The following BTBD9 variants were observed in gnomAD, a reference collection of about 807,000 sequenced individuals.
The protein encoded by BTBD9 is BTB domain containing 9, also known as BTB/POZ domain-containing protein 9.
BTBD9 carries 49 observed loss-of-function variants against 64.3 expected under a neutral mutation model. The ratio of observed to expected loss-of-function variants is 0.76; its 90% confidence interval spans 0.61 to 0.97. BTBD9 has a LOEUF of 0.97. BTBD9 is among the 50% of genes least tolerant of loss of function. The pLI, the probability that BTBD9 is intolerant of heterozygous loss-of-function variation, is 0.00. For missense variants in BTBD9, 598 were observed against 762.1 expected (o/e 0.78, Z 2.53); for synonymous variants, 260 against 274.7 (o/e 0.95, Z 0.53).
At chr6:38,300,302 G>A (rs1178218740) in intron 7 of BTBD9, among the ~76,000 whole-genome samples, 1 of 152,168 alleles carries the variant, frequency 6.6e-6, no homozygotes, top group Non-Finnish European at 1.5e-5. Context: ...GATGCCTCCA[G>A]CTTTGTTCTT....
intron 1 of BTBD9, among the ~76,000 whole-genome samples, chr6:38,605,192 G>A (rs748821734): frequency 1.5e-4 from 23 of 151,824 alleles, no homozygotes; most frequent in Non-Finnish European, 2.8e-4. Flanking sequence ...GATTACAGGC[G>A]CACACCACTA....
intron 6 of BTBD9, among the ~76,000 whole-genome samples, chr6:38,366,499 G>C (rs951026462): frequency 6.6e-6 from 1 of 152,194 alleles, no homozygotes; most frequent in East Asian, 1.9e-4. Context: ...GTCATACAAA[G>C]CATGTATATA....
At chr6:38,266,614 GAAAGAAAGAAAGAAAGAAA>G (rs1270164794) in intron 8 of BTBD9, among the ~76,000 whole-genome samples, 237 of 9,842 alleles carry the variant, frequency 0.024, 5 homozygotes, top group East Asian at 0.036. Flanking sequence ...AGGAAAGAAA[GAAAGAAAGAAAGAAAGAAA>G]GAAAGAAAGA....
At chr6:38,212,424 G>A (rs1014729522) in intron 9 of BTBD9, among the ~76,000 whole-genome samples, 1 of 152,154 alleles carries the variant, frequency 6.6e-6, no homozygotes, top group South Asian at 2.1e-4. Context: ...AGGACTATGG[G>A]GCATGACCCT....
chr6:38,523,035 T>C (rs1381682034), intron 6 of BTBD9, among the ~76,000 whole-genome samples: 1 of 151,862 alleles, frequency 6.6e-6, no homozygotes, highest in Non-Finnish European at 1.5e-5. Flanking sequence ...ATACAAAAAT[T>C]AGCCAGGCGT....
At chr6:38,191,947 T>C (rs1239125608) in intron 10 of BTBD9, among the ~76,000 whole-genome samples, 2 of 152,252 alleles carry the variant, frequency 1.3e-5, no homozygotes, top group African/African-American at 4.8e-5. Context: ...TGGCACACCA[T>C]AGAGCCAATC....
chr6:38,359,870 T>C (rs1019381869), intron 6 of BTBD9, among the ~76,000 whole-genome samples: 2 of 151,862 alleles, frequency 1.3e-5, no homozygotes, highest in Admixed American at 6.6e-5. Context: ...TGATCTCTCC[T>C]AATTCTCAAA....
intron 6 of BTBD9, among the ~76,000 whole-genome samples, chr6:38,449,156 C>T (rs1769408681): frequency 6.6e-6 from 1 of 152,112 alleles, no homozygotes; most frequent in Non-Finnish European, 1.5e-5. Flanking sequence ...AAAGAAAAAC[C>T]TGGTTACTGT....
At chr6:38,333,272 T>C (rs1304285446) in intron 7 of BTBD9, among the ~76,000 whole-genome samples, 1 of 149,824 alleles carries the variant, frequency 6.7e-6, no homozygotes, top group African/African-American at 2.6e-5. Context: ...GGGCCACCCA[T>C]AGGTCCCTTC....
intron 9 of BTBD9, among the ~76,000 whole-genome samples, chr6:38,228,412 G>A (rs1477080548): frequency 6.8e-6 from 1 of 146,414 alleles, no homozygotes; most frequent in Non-Finnish European, 1.5e-5. Context: ...TATGGACTTT[G>A]GGTACTATGA....
intron 9 of BTBD9, among the ~76,000 whole-genome samples, chr6:38,246,083 AG>A: frequency 6.6e-6 from 1 of 152,272 alleles, no homozygotes; most frequent in South Asian, 2.1e-4. Context: ...CTGGGTAGAG[AG>A]GAGCCTCCCA....
intron 6 of BTBD9, among the ~76,000 whole-genome samples, chr6:38,412,090 G>C (rs547387465): frequency 2.6e-5 from 4 of 151,722 alleles, no homozygotes; most frequent in African/African-American, 9.7e-5. Context: ...TCATCCAGAT[G>C]CAAAAAGGAA....
intron 1 of BTBD9, among the ~76,000 whole-genome samples, chr6:38,620,627 T>C (rs967567173): frequency 6.6e-5 from 10 of 152,134 alleles, no homozygotes; most frequent in African/African-American, 2.2e-4. Context: ...GTACAAAGCA[T>C]CTAAACCGAA....
At chr6:38,190,492 AT>A (rs1762026346) in intron 10 of BTBD9, among the ~76,000 whole-genome samples, 1 of 138,134 alleles carries the variant, frequency 7.2e-6, no homozygotes, top group Non-Finnish European at 1.6e-5. Context: ...AAAAAAAAAG[AT>A]GTTTCCCAGT....
chr6:38,388,802 A>G (rs1188705825), intron 6 of BTBD9, among the ~76,000 whole-genome samples: 1 of 152,206 alleles, frequency 6.6e-6, no homozygotes, highest in Non-Finnish European at 1.5e-5. Flanking sequence ...CTGAAAACTA[A>G]AGTTAAACCT....
At chr6:38,312,144 A>G (rs148149222) in intron 7 of BTBD9, among the ~76,000 whole-genome samples, 1 of 152,268 alleles carries the variant, frequency 6.6e-6, no homozygotes, top group East Asian at 1.9e-4. Flanking sequence ...TACAGGAGTG[A>G]GCCACCATGC....
chr6:38,382,677 T>C (rs1765988223), intron 6 of BTBD9, among the ~76,000 whole-genome samples: 1 of 151,834 alleles, frequency 6.6e-6, no homozygotes, highest in South Asian at 2.1e-4. Flanking sequence ...TTAAGAAAGA[T>C]GGATTGATAA....
At chr6:38,419,344 C>G (rs971544784) in intron 6 of BTBD9, among the ~76,000 whole-genome samples, 1 of 152,126 alleles carries the variant, frequency 6.6e-6, no homozygotes, top group African/African-American at 2.4e-5. Flanking sequence ...CTGTAAATCA[C>G]TGAATTACAT....
chr6:38,588,513 G>T, intron 4 of BTBD9: 1 of 833,706 alleles, frequency 1.2e-6, no homozygotes, highest in South Asian at 2.0e-5. Context: ...ACCAAACCTG[G>T]ACCTGGTTAT....
Sources: allele counts gnomAD v4.1 joint callset (sites outside exome capture counted in the v4.1 genomes callset), GRCh38; gene constraint gnomAD v4.1.1; transcripts MANE v1.5; gene names NCBI Gene and HGNC (gene_info 2026-07-23, HGNC 2026-07-21).